ARRDC1: variants seen among roughly 807,000 people sequenced by gnomAD.
ARRDC1 encodes the protein arrestin domain containing 1.
A neutral mutation model predicts 40.1 loss-of-function variants in ARRDC1; 37 were observed. The observed-to-expected ratio is 0.92, with a 90% CI of 0.71 to 1.21. The LOEUF is 1.21. ARRDC1 is among the 50% of genes most tolerant of loss of function. The probability of loss-of-function intolerance (pLI) is 0.00; values close to 1 mark genes in which losing one functional copy is unlikely to be tolerated. For synonymous variants in ARRDC1, 310 were observed against 262.5 expected, an observed-to-expected ratio of 1.18 and a Z score of -1.75; for missense variants, 641 against 581.9, an observed-to-expected ratio of 1.10 and a Z score of -1.04.
rs773729542 is a variant in ARRDC1, at chr9:137,613,777, T to C, written c.435+8T>C. 3 of 1,613,800 alleles carry C rather than the reference T, an allele frequency of 1.9e-6. No individual in the cohort carries two copies. In the Admixed American group the frequency reaches 5.0e-5, roughly 27 times the overall value. Reference sequence around the variant, plus strand: ...AGCATCCCAGACATTGAGGTGAGGATGGCACAGTGACCTCCTTGGTGGGTC... The same window carrying C: ...AGCATCCCAGACATTGAGGTGAGGACGGCACAGTGACCTCCTTGGTGGGTC... On this transcript the variant is annotated splice_region_variant and intron_variant, in intron 4 of 7. Coordinates refer to ENST00000371421, the MANE Select transcript of ARRDC1 (RefSeq NM_152285.4).
At position 137,615,194 on chromosome 9, in the gene ARRDC1, A is replaced by G; in HGVS notation, c.*56A>G. On this transcript the variant is annotated 3_prime_UTR_variant, in exon 8 of 8. Transcript: ENST00000371421. ...CCTCTGCCCTGGGACTGGGGCGCCC[A>G]GGGCCTCGTGCCTTCTCTCTTGGCC... The G allele has an allele frequency of 6.9e-7, 1 of 1,450,182 alleles. No individual in the cohort carries two copies. Among genetic ancestry groups the G allele is most frequent in the Non-Finnish European group, 9.1e-7 (1 of 1,094,470 alleles). The allele number at this position is 1,450,182 out of a possible 1,614,324, so 89.8% of individuals were successfully genotyped here. A position where few individuals can be genotyped will look rare whatever the true frequency, so the allele number is the denominator to read the frequency against.
intron 1 of ARRDC1, among the ~76,000 whole-genome samples, chr9:137,606,099 CG>C (rs1272769211): frequency 6.6e-6 from 1 of 151,832 alleles, no homozygotes; most frequent in Non-Finnish European, 1.5e-5. Flanking sequence ...ACGCCCTGAG[CG>C]CGGGCGCACG....
In ARRDC1 at chr9:137,605,762, C is replaced by A; in HGVS notation, c.45C>A (p.Arg15=). Residue 15 remains arginine, a synonymous_variant, in exon 1 of 8, where the codon CGC becomes CGA. Transcript: ENST00000371421. ...QLFEISLSHG[R]VVYSPGEPLA... ...TCGAGATCAGCCTGAGCCACGGCCG[C>A]GTCGTCTACAGCCCCGGGGAGCCGT... The A allele has an allele frequency of 7.3e-7, 1 of 1,369,342 alleles. No individual in the cohort carries two copies. Among genetic ancestry groups the A allele is most frequent in the Non-Finnish European group, 9.5e-7 (1 of 1,058,110 alleles). 84.8% of individuals were successfully genotyped at this position (1,369,342 alleles called of 1,614,324 possible). A position where few individuals can be genotyped will look rare whatever the true frequency, so the allele number is the denominator to read the frequency against.
chr9:137,611,207 G>C (rs903980791), intron 1 of ARRDC1, among the ~76,000 whole-genome samples: 1 of 152,196 alleles, frequency 6.6e-6, no homozygotes, highest in African/African-American at 2.4e-5. Flanking sequence ...CATGAACACA[G>C]TATGGGGTCT....
In ARRDC1 at chr9:137,614,487, C is replaced by G. The variant is rs779122249; in HGVS notation, c.795+12C>G. 9.3e-6 allele frequency: 15 copies of G among 1,613,124 alleles called. 1 individual carries two copies. The South Asian group carries it at 1.6e-4, about 18-fold the overall frequency. On this transcript the variant is annotated intron_variant, in intron 6 of 7. Coordinates refer to ENST00000371421, the MANE Select transcript of ARRDC1 (RefSeq NM_152285.4). Reference sequence around the variant, plus strand: ...ACTACTACTTACAGGTTTGGTGCTGCTGGGGGCTGGGTGGTCTGAGGCCTA... The same window carrying G: ...ACTACTACTTACAGGTTTGGTGCTGGTGGGGGCTGGGTGGTCTGAGGCCTA...
At chr9:137,613,823 G>C (rs995271302) in intron 4 of ARRDC1, 54 bp downstream of exon 4, 4 of 1,601,776 alleles carry the variant, frequency 2.5e-6, no homozygotes, top group Non-Finnish European at 3.4e-6. Context: ...TGGAGGCTGG[G>C]GAAGAGCTGG....
At chr9:137,611,581 AACAAC>A in intron 1 of ARRDC1, 3 of 144,052 alleles carry the variant, frequency 2.1e-5, no homozygotes, top group Non-Finnish European at 3.0e-5. Flanking sequence ...CAACAACAAC[AACAAC>A]AAAAAAACAA....
chr9:137,605,940 C>T (rs1842414967), intron 1 of ARRDC1, 105 bp downstream of exon 1: 10 of 629,174 alleles, frequency 1.6e-5, no homozygotes, highest in South Asian at 8.0e-5. Context: ...CGCGGAGTCG[C>T]TGTCTTCGCC....
chr9:137,608,736 GAGCAGCTCCAGGTGTTTTGGCAGGGA>G (rs1842464696), intron 1 of ARRDC1, among the ~76,000 whole-genome samples: 1 of 152,258 alleles, frequency 6.6e-6, no homozygotes, highest in Non-Finnish European at 1.5e-5. Flanking sequence ...AGAGGCAGAG[GAGCAGCTCCAGGTGTTTTGGCAGGGA>G]AGCAGCTGGC....
intron 1 of ARRDC1, among the ~76,000 whole-genome samples, chr9:137,609,817 C>T (rs536340323): frequency 3.3e-5 from 5 of 152,124 alleles, no homozygotes; most frequent in Admixed American, 1.3e-4. Flanking sequence ...TGAGCCACTG[C>T]GCCCAGCTGT....
At chr9:137,607,123 G>A (rs1481661058) in intron 1 of ARRDC1, among the ~76,000 whole-genome samples, 1 of 152,240 alleles carries the variant, frequency 6.6e-6, no homozygotes, top group Non-Finnish European at 1.5e-5. Context: ...GAATGAGGGA[G>A]AAAAAGGAGG....
intron 1 of ARRDC1, among the ~76,000 whole-genome samples, chr9:137,607,683 C>T (rs1451412918): frequency 2.0e-5 from 3 of 152,226 alleles, no homozygotes; most frequent in Non-Finnish European, 4.4e-5. Flanking sequence ...GGTTGTTACT[C>T]TCATGATACA....
rs777187584 is a variant in ARRDC1 at position 137,614,306 on chromosome 9, C to CATAG, written c.626_627insATAG (p.Tyr210Ter). The CATAG allele has an allele frequency of 6.3e-7, 1 of 1,595,844 alleles. No homozygotes were observed. The highest frequency in any genetic ancestry group is 8.5e-7 in the Non-Finnish European group (1 of 1,170,016). ...AGGCTGGTCCTTCCCCAGAAAGTGT[C>CATAG]CTATAAGGCCAAGCGCTGGATCCAC... On this transcript the variant is annotated stop_gained and frameshift_variant, in exon 6 of 8. Coordinates refer to ENST00000371421, the MANE Select transcript of ARRDC1 (RefSeq NM_152285.4). LOFTEE classifies it high-confidence loss of function.
At chr9:137,606,366 T>A (rs1047590763) in intron 1 of ARRDC1, among the ~76,000 whole-genome samples, 1 of 151,908 alleles carries the variant, frequency 6.6e-6, no homozygotes, top group African/African-American at 2.4e-5. Context: ...CAGGGCGCCC[T>A]GGAGGTGAGG....
In ARRDC1 at chr9:137,614,323, T is replaced by C; in HGVS notation, c.643T>C (p.Trp215Arg). The change falls in exon 6 of 8, where the codon TGG becomes CGG. Residue 215 changes from tryptophan (W) to arginine (R), a missense_variant. By Grantham distance (101) the Trp-to-Arg change is moderately radical. Transcript: ENST00000371421. ...GAAAGTGTCCTATAAGGCCAAGCGCTGGATCCACGACGTACGGACCATTGC... is the reference window on the plus strand; with the variant it reads ...GAAAGTGTCCTATAAGGCCAAGCGCCGGATCCACGACGTACGGACCATTGC... Reference protein sequence around the residue: ...LQKVSYKAKRWIHDVRTIAEV... With the variant: ...LQKVSYKAKRRIHDVRTIAEV... 6.2e-7 allele frequency: 1 copy of C among 1,607,820 alleles called. No individual in the cohort carries two copies. Among genetic ancestry groups the C allele is most frequent in the Non-Finnish European group, 8.5e-7 (1 of 1,176,726 alleles).
At chr9:137,606,254 C>G (rs994139615) in intron 1 of ARRDC1, among the ~76,000 whole-genome samples, 4 of 152,126 alleles carry the variant, frequency 2.6e-5, no homozygotes, top group Non-Finnish European at 5.9e-5. Context: ...GCTGCGGCTC[C>G]CTGCGCCCCC....
rs114792095 is a variant in ARRDC1, at chr9:137,607,340, C to T, written c.118+1505C>T. On this transcript the variant is annotated intron_variant, in intron 1 of 7. Coordinates refer to ENST00000371421, the MANE Select transcript of ARRDC1 (RefSeq NM_152285.4). Reference sequence around the variant, plus strand: ...TAGGAGCCAGTAGGGAGGCCCTCAGCCCCCAGGAGGACAGCAGCCCTGCCT... The same window carrying T: ...TAGGAGCCAGTAGGGAGGCCCTCAGTCCCCAGGAGGACAGCAGCCCTGCCT... Among the ~76,000 whole-genome samples the T allele has an allele frequency of 4.7e-3, 716 of 152,326 alleles. 6 individuals carry two copies. The highest frequency in any genetic ancestry group is 0.016 in the African/African-American group (659 of 41,576).
intron 1 of ARRDC1, 118 bp downstream of exon 1, chr9:137,605,953 C>G (rs1447343724): frequency 5.5e-6 from 3 of 548,376 alleles, no homozygotes; most frequent in African/African-American, 4.0e-5. Flanking sequence ...TCTTCGCCGC[C>G]CGGGACTGCT....
At chr9:137,613,943 G>A (rs1842596182) in intron 4 of ARRDC1, 89 bp from the exon 5 acceptor site, 3 of 1,561,702 alleles carry the variant, frequency 1.9e-6, no homozygotes, top group Middle Eastern at 1.7e-4. Context: ...CCAGGGGCAG[G>A]GCGTGGCAGG....
Sources: allele counts gnomAD v4.1 joint callset (sites outside exome capture counted in the v4.1 genomes callset), GRCh38; gene constraint gnomAD v4.1.1; transcripts MANE v1.5; gene names NCBI Gene and HGNC (gene_info 2026-07-23, HGNC 2026-07-21).